CACNA1C: variants seen among roughly 807,000 people sequenced by gnomAD.
The protein encoded by CACNA1C is calcium voltage-gated channel subunit alpha1 C, also known as voltage-dependent L-type calcium channel subunit alpha-1C.
CACNA1C carries 30 observed loss-of-function variants against 229.0 expected under a neutral mutation model. The observed-to-expected ratio is 0.13, with a 90% CI of 0.10 to 0.18. The LOEUF (loss-of-function observed/expected upper bound fraction) is 0.18, where lower values mean the gene tolerates loss of function less well. Among genes scored for constraint, CACNA1C ranks in the 10% least tolerant of loss-of-function variants. The pLI, the probability that CACNA1C is intolerant of heterozygous loss-of-function variation, is 1.00. For synonymous variants in CACNA1C, 1,114 were observed against 1,132.5 expected (o/e 0.98, Z 0.33); for missense variants, 1,658 against 2,845.0 (o/e 0.58, Z 9.49).
intron 3 of CACNA1C, among the ~76,000 whole-genome samples, chr12:2,254,159 C>A (rs541823427): frequency 6.6e-6 from 1 of 152,332 alleles, no homozygotes; most frequent in South Asian, 2.1e-4. Context: ...ACTCACTTTT[C>A]TGGAGCTTTA....
intron 9 of CACNA1C, among the ~76,000 whole-genome samples, chr12:2,539,999 G>T (rs1456779752): frequency 1.3e-5 from 2 of 152,212 alleles, no homozygotes; most frequent in African/African-American, 4.8e-5. Flanking sequence ...TCAGAGAGCA[G>T]CTATGTGGAG....
In CACNA1C at chr12:2,596,144, G is replaced by A. The variant is rs566698278; in HGVS notation, c.2793+141G>A. On this transcript the variant is annotated intron_variant, in intron 20 of 46. Coordinates refer to ENST00000399655, the MANE Select transcript of CACNA1C (RefSeq NM_000719.7). ...ATCCACAACTAACATTTCATTAAGA[G>A]AGTAGGGCTTTGATAGAAAACCACC... 2.3e-5 allele frequency: 19 copies of A among 830,096 alleles called. No individual in the cohort carries two copies. The Admixed American group carries it at 6.1e-4, about 27-fold the overall frequency. 51.4% of individuals were successfully genotyped at this position (830,096 alleles called of 1,614,324 possible). A position where few individuals can be genotyped will look rare whatever the true frequency, so the allele number is the denominator to read the frequency against.
chr12:2,571,224 A>G (rs2054222737), intron 13 of CACNA1C, among the ~76,000 whole-genome samples: 1 of 152,182 alleles, frequency 6.6e-6, no homozygotes, highest in Non-Finnish European at 1.5e-5. Flanking sequence ...AAGGCAAGGC[A>G]GGTCTGTGGT....
intron 3 of CACNA1C, among the ~76,000 whole-genome samples, chr12:2,260,625 G>A (rs1420742469): frequency 3.3e-5 from 5 of 152,220 alleles, no homozygotes; most frequent in African/African-American, 2.4e-5. Context: ...CCTGGAGTCG[G>A]GGTAGCATCA....
At chr12:2,533,797 C>A (rs1346541784) in intron 9 of CACNA1C, among the ~76,000 whole-genome samples, 1 of 152,150 alleles carries the variant, frequency 6.6e-6, no homozygotes, top group East Asian at 1.9e-4. Flanking sequence ...TGTCCCGGTT[C>A]TGCTCTCGGC....
chr12:1,977,517 A>C (rs1185280236), intron 1 of CACNA1C, among the ~76,000 whole-genome samples: 1 of 152,212 alleles, frequency 6.6e-6, no homozygotes, highest in Non-Finnish European at 1.5e-5. Flanking sequence ...CTAGAATATA[A>C]GTGATTTGCG....
intron 5 of CACNA1C, among the ~76,000 whole-genome samples, chr12:2,459,640 G>A (rs1488812683): frequency 6.6e-6 from 1 of 152,148 alleles, no homozygotes; most frequent in East Asian, 1.9e-4. Context: ...TCTTTTTGAA[G>A]CCTAAATTAT....
chr12:2,137,878 G>A (rs1364182555), intron 3 of CACNA1C, among the ~76,000 whole-genome samples: 2 of 151,358 alleles, frequency 1.3e-5, no homozygotes, highest in African/African-American at 2.4e-5. Flanking sequence ...GCCGGGGTCC[G>A]GGAGCGCCAG....
rs1253695616 is a variant in CACNA1C, at chr12:2,646,045, G to A, written c.3913-2430G>A. 6.6e-6 allele frequency among the ~76,000 whole-genome samples: 1 copy of A among 152,148 alleles called. No homozygotes were observed. The highest frequency in any genetic ancestry group is 2.4e-5 in the African/African-American group (1 of 41,428). ...CTCTTGTCTGCCATTATAGAGACAT[G>A]CCATAGGAAATGTTAAATCAATACA... is the stretch of plus-strand genomic sequence containing the variant. On this transcript the variant is annotated intron_variant, in intron 30 of 46. Coordinates refer to ENST00000399655, the MANE Select transcript of CACNA1C (RefSeq NM_000719.7). The surrounding 1 kb of genome is among the most constrained non-coding windows in gnomAD (Gnocchi z 4.6).
chr12:2,545,559 A>T (rs1409998456), intron 9 of CACNA1C, among the ~76,000 whole-genome samples: 1 of 152,224 alleles, frequency 6.6e-6, no homozygotes, highest in Admixed American at 6.5e-5. Context: ...AAATCGCTCG[A>T]ATTTGCTCTT....
chr12:2,685,065 A>T (rs542006106), intron 43 of CACNA1C, among the ~76,000 whole-genome samples: 1 of 152,194 alleles, frequency 6.6e-6, no homozygotes, highest in South Asian at 2.1e-4. Context: ...GTGGACTGGG[A>T]CTCACCAGGG....
At chr12:2,070,777 G>GT (rs1225209163) in intron 1 of CACNA1C, among the ~76,000 whole-genome samples, 2 of 152,006 alleles carry the variant, frequency 1.3e-5, no homozygotes, top group Non-Finnish European at 2.9e-5. Context: ...TTGAAGATTC[G>GT]TATCACTCAC....
chr12:2,043,511 A>G (rs1455199036), intron 1 of CACNA1C, among the ~76,000 whole-genome samples: 1 of 152,136 alleles, frequency 6.6e-6, no homozygotes, highest in Non-Finnish European at 1.5e-5. Context: ...CATCTCCTCA[A>G]CCTGGAGGTG....
At chr12:2,540,959 C>T (rs1160651233) in intron 9 of CACNA1C, among the ~76,000 whole-genome samples, 2 of 152,154 alleles carry the variant, frequency 1.3e-5, no homozygotes, top group African/African-American at 4.8e-5. Flanking sequence ...GGCTTGGTTC[C>T]TCCTGAGGGT....
At chr12:2,474,114 G>C (rs2099608015) in intron 5 of CACNA1C, among the ~76,000 whole-genome samples, 1 of 152,114 alleles carries the variant, frequency 6.6e-6, no homozygotes, top group Non-Finnish European at 1.5e-5. Context: ...TCTATAATGA[G>C]TACATCTCAT....
At chr12:2,365,323 T>C (rs773456097) in intron 3 of CACNA1C, among the ~76,000 whole-genome samples, 1 of 152,240 alleles carries the variant, frequency 6.6e-6, no homozygotes, top group Non-Finnish European at 1.5e-5. Context: ...ACATGGCAAA[T>C]TAACTGAACT....
At chr12:2,096,357 A>G (rs921813991) in intron 1 of CACNA1C, among the ~76,000 whole-genome samples, 1 of 152,162 alleles carries the variant, frequency 6.6e-6, no homozygotes, top group African/African-American at 2.4e-5. Context: ...TGCCGGAAGC[A>G]CTTGTATAGG....
At chr12:2,292,794 A>G (rs910399783) in intron 3 of CACNA1C, among the ~76,000 whole-genome samples, 1 of 152,126 alleles carries the variant, frequency 6.6e-6, no homozygotes, top group Admixed American at 6.5e-5. Flanking sequence ...GTGAAGGTCC[A>G]AGTGGGGATG....
intron 9 of CACNA1C, among the ~76,000 whole-genome samples, chr12:2,548,374 C>T (rs572690122): frequency 2.0e-5 from 3 of 152,200 alleles, no homozygotes; most frequent in African/African-American, 7.2e-5. Context: ...CAGAGGTGGT[C>T]GAGACTGGGG....
Sources: allele counts gnomAD v4.1 joint callset (sites outside exome capture counted in the v4.1 genomes callset), GRCh38; gene constraint gnomAD v4.1.1; non-coding constraint Gnocchi (gnomAD v3.1); transcripts MANE v1.5; gene names NCBI Gene and HGNC (gene_info 2026-07-23, HGNC 2026-07-21).